DRAM1: variants seen among roughly 807,000 people sequenced by gnomAD.
DRAM1 encodes DNA damage-regulated autophagy modulator protein 1.
DRAM1 carries 25 observed loss-of-function variants against 28.5 expected under a neutral mutation model. The ratio of observed to expected loss-of-function variants is 0.88; its 90% CI spans 0.64 to 1.23. DRAM1 has a LOEUF of 1.23. Among genes scored for constraint, DRAM1 ranks in the 50% most tolerant of loss-of-function variants. The probability of loss-of-function intolerance (pLI) is 0.00; values close to 1 mark genes in which losing one functional copy is unlikely to be tolerated. For missense variants in DRAM1, 249 were observed against 299.2 expected, an observed-to-expected ratio of 0.83 and a Z score of 1.24; for synonymous variants, 113 against 114.2, an observed-to-expected ratio of 0.99 and a Z score of 0.07.
rs539399142 is a variant in DRAM1, at chr12:101,880,444, G to A, written c.131+2524G>A. Among the ~76,000 whole-genome samples, 20 of 151,720 alleles carry A rather than the reference G, an allele frequency of 1.3e-4. 1 individual carries two copies. In the South Asian group the frequency reaches 3.6e-3, roughly 27 times the overall value. ...TGGGATTACAGGCACCTGCCACCAC[G>A]CCCAGCTAATATTTTTGTATTTTTA... On this transcript the variant is annotated intron_variant, in intron 1 of 6. Coordinates refer to ENST00000258534, the MANE Select transcript of DRAM1 (RefSeq NM_018370.3).
chr12:101,879,145 C>T (rs956667794), intron 1 of DRAM1, among the ~76,000 whole-genome samples: 3 of 152,074 alleles, frequency 2.0e-5, no homozygotes, highest in African/African-American at 7.2e-5. Context: ...CAGGCGTGCA[C>T]CACCACACCT....
At position 101,914,367 on chromosome 12, in the gene DRAM1, A is replaced by G. The variant is rs1466848420; in HGVS notation, c.579+135A>G. 7 of 513,520 alleles carry G rather than the reference A, an allele frequency of 1.4e-5. No individual in the cohort carries two copies. In the Admixed American group the frequency reaches 2.2e-4, roughly 16 times the overall value. 31.8% of individuals were successfully genotyped at this position (513,520 alleles called of 1,614,324 possible). A position where few individuals can be genotyped will look rare whatever the true frequency, so the allele number is the denominator to read the frequency against. On this transcript the variant is annotated intron_variant, in intron 5 of 6. Coordinates refer to ENST00000258534, the MANE Select transcript of DRAM1 (RefSeq NM_018370.3). ...GTCAAATAAACATGGCATGTAATCA[A>G]TTTACTGTCCAATCATTTGGCAGTA...
Position 101,914,213 on chromosome 12 carries a change from A to C in DRAM1, c.560A>C (p.Glu187Ala), listed in dbSNP as rs1053469717. The C allele has an allele frequency of 1.2e-6, 2 of 1,608,456 alleles. No homozygotes were observed. Among genetic ancestry groups the C allele is most frequent in the Non-Finnish European group, 1.7e-6 (2 of 1,178,494 alleles). Residue 187 changes from glutamate (E) to alanine (A), a missense_variant, in exon 5 of 7, where the codon GAG (glutamate) becomes GCG (alanine). Physicochemically the swap from Glu to Ala is moderately radical, Grantham distance 107 (BLOSUM62 -1). Around this residue, in one of 3 missense-constraint regions of DRAM1, gnomAD observed 218 missense variants for 243.1 expected, o/e 0.90. Transcript: ENST00000258534. ...CASLISITKL[E>A]WNPREKDYVY... is the part of the protein sequence containing the mutation. ...TCACTAATTTCCATAACCAAGCTGGAGTGGAATCCAAGAGAAAAGGTAACA... is the reference window on the plus strand; with the variant it reads ...TCACTAATTTCCATAACCAAGCTGGCGTGGAATCCAAGAGAAAAGGTAACA...
intron 4 of DRAM1, among the ~76,000 whole-genome samples, chr12:101,909,955 G>A (rs78864000): frequency 1.3e-5 from 2 of 152,148 alleles, no homozygotes; most frequent in African/African-American, 2.4e-5. Flanking sequence ...TGTTATCGGC[G>A]GCAATTTTGT....
intron 2 of DRAM1, among the ~76,000 whole-genome samples, chr12:101,899,409 AT>A (rs1873509035): frequency 6.6e-6 from 1 of 152,154 alleles, no homozygotes; most frequent in Non-Finnish European, 1.5e-5. Flanking sequence ...TAATTCTAGC[AT>A]TTTGGGAGGC....
chr12:101,896,139 C>T (rs1453195797), intron 1 of DRAM1, among the ~76,000 whole-genome samples: 1 of 152,204 alleles, frequency 6.6e-6, no homozygotes, highest in East Asian at 1.9e-4. Context: ...CCACCTGCCT[C>T]GACCTCCGAA....
intron 3 of DRAM1, among the ~76,000 whole-genome samples, chr12:101,907,199 CAAAAAA>C (rs397965756): frequency 1.2e-5 from 1 of 85,148 alleles, no homozygotes; most frequent in Non-Finnish European, 2.3e-5. Context: ...GACCCTGTCT[CAAAAAA>C]AAAAAAAAAA....
intron 1 of DRAM1, among the ~76,000 whole-genome samples, chr12:101,896,272 T>G (rs1873370123): frequency 6.6e-6 from 1 of 152,240 alleles, no homozygotes; most frequent in Non-Finnish European, 1.5e-5. Context: ...ACAGGCTCCT[T>G]GTGGAATTCT....
intron 5 of DRAM1, among the ~76,000 whole-genome samples, chr12:101,918,855 A>C (rs1874356926): frequency 2.0e-5 from 3 of 152,140 alleles, no homozygotes; most frequent in African/African-American, 4.8e-5. Flanking sequence ...CTCATTTGGC[A>C]TGTGAGCTAA....
At chr12:101,905,936 C>T (rs1316769419) in intron 3 of DRAM1, among the ~76,000 whole-genome samples, 10 of 151,942 alleles carry the variant, frequency 6.6e-5, no homozygotes, top group Admixed American at 4.6e-4. Flanking sequence ...ATTACAGGCA[C>T]GCGCCACCAC....
At chr12:101,915,696 G>A (rs147514057) in intron 5 of DRAM1, among the ~76,000 whole-genome samples, 2 of 151,306 alleles carry the variant, frequency 1.3e-5, no homozygotes, top group African/African-American at 4.9e-5. Context: ...GCACTAGCTG[G>A]GATTACAGGC....
intron 1 of DRAM1, among the ~76,000 whole-genome samples, chr12:101,888,278 C>T (rs975732091): frequency 1.3e-5 from 2 of 151,536 alleles, no homozygotes; most frequent in East Asian, 1.9e-4. Context: ...TACAGGCGTC[C>T]GCCACCATGC....
intron 3 of DRAM1, 46 bp downstream of exon 3, chr12:101,901,479 G>C (rs1463022948): frequency 6.3e-7 from 1 of 1,595,372 alleles, no homozygotes; most frequent in Non-Finnish European, 8.5e-7. Context: ...TGGAGTGTAT[G>C]TGTCTGAAGA....
chr12:101,920,297 CTTTTTTTT>C (rs373899697), intron 6 of DRAM1, 96 bp downstream of exon 6: 1 of 272,792 alleles, frequency 3.7e-6, no homozygotes, highest in Non-Finnish European at 5.5e-6. Flanking sequence ...AGAGCACTTT[CTTTTTTTT>C]TTTTTTTTTT....
intron 2 of DRAM1, among the ~76,000 whole-genome samples, chr12:101,900,345 G>T (rs1873552759): frequency 6.6e-6 from 1 of 152,114 alleles, no homozygotes; most frequent in Non-Finnish European, 1.5e-5. Flanking sequence ...ATAGATATGA[G>T]TAGATTAAAA....
At position 101,883,951 on chromosome 12, in the gene DRAM1, AT is replaced by A. The variant is rs1336108311; in HGVS notation, c.131+6032del. Among the ~76,000 whole-genome samples the A allele has an allele frequency of 3.7e-3, 562 of 151,982 alleles. 4 individuals carry two copies. The highest frequency in any genetic ancestry group is 0.013 in the African/African-American group (532 of 41,436). On this transcript the variant is annotated intron_variant, in intron 1 of 6. Coordinates refer to ENST00000258534, the MANE Select transcript of DRAM1 (RefSeq NM_018370.3). ...TCTTTCTCAAAAAAAAAAAAAATAA[AT>A]AAATACAAAATAAAAACATGGGACC...
chr12:101,919,634 A>T (rs917704253), intron 5 of DRAM1, among the ~76,000 whole-genome samples: 3 of 152,220 alleles, frequency 2.0e-5, no homozygotes, highest in Non-Finnish European at 4.4e-5. Context: ...CTATATAAAC[A>T]GGGAAACACG....
chr12:101,905,784 TATG>T (rs1873782144), intron 3 of DRAM1, among the ~76,000 whole-genome samples: 1 of 147,018 alleles, frequency 6.8e-6, no homozygotes, highest in Non-Finnish European at 1.5e-5. Context: ...TTTATTTATT[TATG>T]TATTTATTTA....
chr12:101,884,852 T>G (rs1038642350), intron 1 of DRAM1, among the ~76,000 whole-genome samples: 2 of 152,220 alleles, frequency 1.3e-5, no homozygotes, highest in South Asian at 4.1e-4. Context: ...GATTTTAACT[T>G]GCATTTATGT....
Sources: gnomAD v4.1 joint callset for allele counts (sites outside exome capture counted in the v4.1 genomes callset) on GRCh38, gnomAD v4.1.1 for gene constraint, gnomAD v4.1.1 regional missense constraint, MANE v1.5 for transcripts, NCBI Gene and HGNC (gene_info 2026-07-23, HGNC 2026-07-21) for gene names.